Variants in SPATA9 observed in about 807,000 individuals in gnomAD.
SPATA9 encodes spermatogenesis-associated protein 9.
A neutral mutation model predicts 25.5 loss-of-function variants in SPATA9; 27 were observed. The ratio of observed to expected loss-of-function variants is 1.06; its 90% confidence interval spans 0.78 to 1.46. The LOEUF is 1.46. Ranked by LOEUF, SPATA9 falls within the 40% of genes most tolerant of loss-of-function variation. SPATA9 has a pLI of 0.00. For missense variants in SPATA9, 282 were observed against 297.5 expected (o/e 0.95, Z 0.38); for synonymous variants, 102 against 105.7 (o/e 0.97, Z 0.21).
chr5:95,665,407 C>G (rs779601796), intron 3 of SPATA9, among the ~76,000 whole-genome samples: 2 of 152,150 alleles, frequency 1.3e-5, no homozygotes, highest in Admixed American at 6.5e-5. Flanking sequence ...CTGTTCTCCT[C>G]TCTGCTTCTA....
At chr5:95,661,364 T>C (rs979331290) in intron 4 of SPATA9, among the ~76,000 whole-genome samples, 1 of 152,152 alleles carries the variant, frequency 6.6e-6, no homozygotes, top group African/African-American at 2.4e-5. Context: ...ATCTAACATA[T>C]ATATTGCTTT....
chr5:95,686,989 G>A (rs1379880094), upstream of SPATA9, among the ~76,000 whole-genome samples: 5 of 152,118 alleles, frequency 3.3e-5, no homozygotes, highest in South Asian at 2.1e-4. Flanking sequence ...GCATTCTCTC[G>A]GACTTTGCCA....
chr5:95,679,967 G>A (rs947381886), intron 2 of SPATA9, among the ~76,000 whole-genome samples: 1 of 152,172 alleles, frequency 6.6e-6, no homozygotes, highest in Non-Finnish European at 1.5e-5. Context: ...GCGCGATCTC[G>A]GCTCACTGCA....
At chr5:95,676,793 T>C (rs764034748) in intron 2 of SPATA9, among the ~76,000 whole-genome samples, 4 of 152,352 alleles carry the variant, frequency 2.6e-5, no homozygotes, top group East Asian at 1.9e-4. Flanking sequence ...TCAAAACTTA[T>C]GTCAGATCAT....
the SPATA9 span, chr5:95,708,849 G>T: frequency 1.9e-6 from 1 of 535,114 alleles, no homozygotes; most frequent in South Asian, 2.2e-5. Context: ...TTGTGAAAGA[G>T]GTGAGGAGGA....
chr5:95,654,816 CTCT>C (rs561646195), downstream of SPATA9, among the ~76,000 whole-genome samples: 561 of 152,204 alleles, frequency 3.7e-3, 3 homozygotes, highest in African/African-American at 0.013. Context: ...CTTATGAGAT[CTCT>C]TTTTTCATCA....
At chr5:95,689,760 A>T (rs534159386) in intron 1 of SPATA9, among the ~76,000 whole-genome samples, 1 of 152,340 alleles carries the variant, frequency 6.6e-6, no homozygotes, top group South Asian at 2.1e-4. Flanking sequence ...TATGTTCAAC[A>T]TCACTAATAA....
chr5:95,670,718 C>T lies in SPATA9; in HGVS notation c.378+4694G>A, dbSNP rs142952331. ...TGGGTAAGCTGAACTCTGTCTGATG[C>T]GGCTTCTCATACTACTGTACTTTGC... On this transcript the variant is annotated intron_variant, in intron 3 of 4. Transcript: ENST00000274432. The T allele has an allele frequency of 2.6e-3, 913 of 346,738 alleles. 2 individuals are homozygous for T. The highest frequency in any genetic ancestry group is 3.4e-3 in the Non-Finnish European group (832 of 245,886). 21.5% of individuals were successfully genotyped at this position (346,738 alleles called of 1,614,324 possible).
chr5:95,706,558 C>T, the SPATA9 span, among the ~76,000 whole-genome samples: 1 of 152,004 alleles, frequency 6.6e-6, no homozygotes, highest in African/African-American at 2.4e-5. Context: ...ATTACCTAGT[C>T]GCAGGTATGT....
chr5:95,700,973 G>GA (rs1043223112), upstream of SPATA9, among the ~76,000 whole-genome samples: 2 of 151,996 alleles, frequency 1.3e-5, no homozygotes, highest in Non-Finnish European at 2.9e-5. Context: ...ACAAGAATTT[G>GA]AAAAAACAAA....
chr5:95,731,569 G>A, the SPATA9 span: 4 of 1,506,174 alleles, frequency 2.7e-6, no homozygotes, highest in Admixed American at 2.1e-5. Flanking sequence ...GGCGCGCGAG[G>A]GGGACGCGGC....
the SPATA9 span, among the ~76,000 whole-genome samples, chr5:95,711,457 A>C: frequency 3.3e-3 from 499 of 152,196 alleles, 4 homozygotes; most frequent in African/African-American, 0.011. Flanking sequence ...TACAAGTCAG[A>C]AGTAGAAAAA....
At chr5:95,679,572 T>C (rs960321952) in intron 2 of SPATA9, among the ~76,000 whole-genome samples, 1 of 152,166 alleles carries the variant, frequency 6.6e-6, no homozygotes, top group Non-Finnish European at 1.5e-5. Flanking sequence ...CACTTTAGTA[T>C]CACCCCTCCT....
At chr5:95,722,250 A>G in the SPATA9 span, among the ~76,000 whole-genome samples, 1 of 152,242 alleles carries the variant, frequency 6.6e-6, no homozygotes, top group Non-Finnish European at 1.5e-5. Flanking sequence ...CAGTTAAAAC[A>G]TGAGCCAAAT....
chr5:95,700,216 T>C (rs1023661460), upstream of SPATA9, among the ~76,000 whole-genome samples: 5 of 152,194 alleles, frequency 3.3e-5, no homozygotes, highest in African/African-American at 1.2e-4. Flanking sequence ...ATAGTAGCTA[T>C]CTATATTTTA....
chr5:95,721,693 TA>T, the SPATA9 span, among the ~76,000 whole-genome samples: 453 of 132,088 alleles, frequency 3.4e-3, 1 homozygote, highest in African/African-American at 6.8e-3. Context: ...CTGAGAGCAT[TA>T]AAAAAAAAAA....
the SPATA9 span, among the ~76,000 whole-genome samples, chr5:95,708,439 A>G: frequency 6.6e-6 from 1 of 152,300 alleles, no homozygotes; most frequent in Admixed American, 6.5e-5. Context: ...AGAGGATTAC[A>G]ATTTTTTCTA....
At chr5:95,717,681 T>A in the SPATA9 span, 5 of 152,132 alleles carry the variant, frequency 3.3e-5, no homozygotes, top group East Asian at 9.6e-4. Context: ...TCTGTCGATA[T>A]ACAAGCTAGC....
downstream of SPATA9, chr5:95,657,543 A>G (rs569253312): frequency 6.6e-6 from 1 of 152,232 alleles, no homozygotes; most frequent in South Asian, 2.1e-4. Flanking sequence ...AATAGAATTA[A>G]GAATCTAAAT....
Sources: gnomAD v4.1 joint callset for allele counts (sites outside exome capture counted in the v4.1 genomes callset) on GRCh38, gnomAD v4.1.1 for gene constraint, MANE v1.5 for transcripts, NCBI Gene and HGNC (gene_info 2026-07-23, HGNC 2026-07-21) for gene names.